The following C1orf185 variants were observed in gnomAD, a reference collection of about 807,000 sequenced individuals.
The protein encoded by C1orf185 is chromosome 1 open reading frame 185, also known as uncharacterized protein C1orf185.
In C1orf185, 13 loss-of-function variants were observed where a neutral mutation model predicts 16.1. The observed-to-expected ratio is 0.81, with a 90% CI of 0.53 to 1.28. The LOEUF (loss-of-function observed/expected upper bound fraction) is 1.28. C1orf185 is among the 50% of genes most tolerant of loss of function. The pLI, the probability that C1orf185 is intolerant of heterozygous loss-of-function variation, is 0.00. For synonymous variants in C1orf185, 80 were observed against 76.9 expected (o/e 1.04, Z -0.21); for missense variants, 220 against 225.2 (o/e 0.98, Z 0.15).
intron 2 of C1orf185, among the ~76,000 whole-genome samples, chr1:51,112,797 A>T (rs1310113848): frequency 6.6e-6 from 1 of 151,474 alleles, no homozygotes; most frequent in Non-Finnish European, 1.5e-5. Context: ...TTGAAGGATA[A>T]CAAGACCTAC....
At chr1:51,113,611 G>A (rs535042189) in intron 2 of C1orf185, among the ~76,000 whole-genome samples, 52 of 152,260 alleles carry the variant, frequency 3.4e-4, no homozygotes, top group African/African-American at 1.1e-3. Context: ...CTTGAACCCA[G>A]GATGCAGAGG....
chr1:51,131,635 G>A (rs988025650), intron 3 of C1orf185, among the ~76,000 whole-genome samples: 2 of 151,976 alleles, frequency 1.3e-5, no homozygotes, highest in African/African-American at 2.4e-5. Context: ...GAGAGAGAGA[G>A]AAAGGAAGAA....
chr1:51,142,948 G>T (rs1646374955), intron 3 of C1orf185, among the ~76,000 whole-genome samples: 1 of 151,886 alleles, frequency 6.6e-6, no homozygotes, highest in Non-Finnish European at 1.5e-5. Flanking sequence ...ATTTTTAGTA[G>T]AGATGTGGCT....
chr1:51,133,244 A>G (rs1646298487), intron 3 of C1orf185, among the ~76,000 whole-genome samples: 1 of 152,190 alleles, frequency 6.6e-6, no homozygotes, highest in Non-Finnish European at 1.5e-5. Context: ...TAAATGCCTT[A>G]ATTAGAAGAC....
chr1:51,136,587 A>G (rs1646326828), intron 3 of C1orf185, among the ~76,000 whole-genome samples: 1 of 152,178 alleles, frequency 6.6e-6, no homozygotes, highest in Admixed American at 6.5e-5. Context: ...TACAGAACCC[A>G]GAAATAAGGC....
At chr1:51,115,397 G>A (rs1019707619) in intron 2 of C1orf185, among the ~76,000 whole-genome samples, 1 of 151,996 alleles carries the variant, frequency 6.6e-6, no homozygotes, top group Non-Finnish European at 1.5e-5. Context: ...ATAGTTCATT[G>A]TTTTATTGAG....
chr1:51,118,605 A>C, intron 2 of C1orf185, 61 bp from the exon 3 acceptor site: 1 of 998,806 alleles, frequency 1.0e-6, no homozygotes, highest in Non-Finnish European at 1.4e-6. Flanking sequence ...GGAAATAATG[A>C]TTTTAATTGT....
At chr1:51,144,204 C>G (rs997018351) in intron 3 of C1orf185, among the ~76,000 whole-genome samples, 14 of 152,170 alleles carry the variant, frequency 9.2e-5, no homozygotes, top group African/African-American at 3.4e-4. Context: ...ATTAGAAATG[C>G]AGACTCTTAT....
At chr1:51,103,628 G>T (rs1646049358) in intron 1 of C1orf185, among the ~76,000 whole-genome samples, 1 of 151,420 alleles carries the variant, frequency 6.6e-6, no homozygotes, top group Admixed American at 6.6e-5. Flanking sequence ...CTGCCTTCTG[G>T]GTTCAAGCAA....
chr1:51,134,760 A>G (rs1646310544), intron 3 of C1orf185, among the ~76,000 whole-genome samples: 1 of 152,212 alleles, frequency 6.6e-6, no homozygotes, highest in Non-Finnish European at 1.5e-5. Context: ...AAAGAAATGG[A>G]TAAATTCCTG....
chr1:51,140,462 T>C (rs1273330890), intron 3 of C1orf185, among the ~76,000 whole-genome samples: 1 of 152,218 alleles, frequency 6.6e-6, no homozygotes, highest in Non-Finnish European at 1.5e-5. Context: ...TTTTCTAATG[T>C]GTATCTTAGG....
chr1:51,149,185 T>C (rs929978754), downstream of C1orf185, among the ~76,000 whole-genome samples: 3 of 152,152 alleles, frequency 2.0e-5, no homozygotes, highest in Non-Finnish European at 2.9e-5. Flanking sequence ...ATTAATCCCC[T>C]TGGGAAAAAA....
chr1:51,141,721 C>A (rs1646365831), intron 3 of C1orf185, among the ~76,000 whole-genome samples: 1 of 152,132 alleles, frequency 6.6e-6, no homozygotes, highest in Non-Finnish European at 1.5e-5. Context: ...TTTTCCTTCA[C>A]TCCTTAATAC....
intron 3 of C1orf185, among the ~76,000 whole-genome samples, chr1:51,130,423 G>T (rs139614559): frequency 1.5e-4 from 23 of 151,262 alleles, no homozygotes; most frequent in African/African-American, 5.6e-4. Flanking sequence ...GGGCTCAAGT[G>T]ATCCTCCCAC....
chr1:51,131,668 A>G (rs1239845144), intron 3 of C1orf185, among the ~76,000 whole-genome samples: 8 of 152,180 alleles, frequency 5.3e-5, no homozygotes, highest in South Asian at 2.1e-4. Flanking sequence ...AAGATAGTTA[A>G]GCTTATCCAT....
intron 3 of C1orf185, among the ~76,000 whole-genome samples, chr1:51,120,153 G>A (rs1045142298): frequency 6.6e-6 from 1 of 152,140 alleles, no homozygotes; most frequent in African/African-American, 2.4e-5. Context: ...AATGTTCGGA[G>A]CCTAGGATTC....
intron 1 of C1orf185, chr1:51,102,502 T>C (rs1335371696): frequency 2.3e-5 from 6 of 265,704 alleles, no homozygotes; most frequent in Non-Finnish European, 3.5e-5. Flanking sequence ...TGAGTCACTT[T>C]TTGTAAGTTA....
At chr1:51,149,971 T>G (rs1458681831), downstream of C1orf185, among the ~76,000 whole-genome samples, 1 of 152,184 alleles carries the variant, frequency 6.6e-6, no homozygotes, top group Non-Finnish European at 1.5e-5. Flanking sequence ...ATGGCCACAG[T>G]CCCGAAGGCC....
chr1:51,139,617 A>C (rs1476049397), intron 3 of C1orf185, among the ~76,000 whole-genome samples: 1 of 152,208 alleles, frequency 6.6e-6, no homozygotes, highest in Non-Finnish European at 1.5e-5. Flanking sequence ...TAAATCTATT[A>C]CTTCACAGTG....
Sources: allele counts gnomAD v4.1 joint callset (sites outside exome capture counted in the v4.1 genomes callset), GRCh38; gene constraint gnomAD v4.1.1; transcripts MANE v1.5; gene names NCBI Gene and HGNC (gene_info 2026-07-23, HGNC 2026-07-21).